The following PCM1 variants were observed in gnomAD, a reference collection of about 807,000 sequenced individuals.
PCM1 encodes pericentriolar material 1.
In PCM1, 157 loss-of-function variants were observed where a neutral mutation model predicts 241.9. The observed-to-expected ratio is 0.65, with a 90% CI of 0.57 to 0.74. The LOEUF is 0.74. Ranked by LOEUF, PCM1 falls within the 30% of genes least tolerant of loss-of-function variation. The probability of loss-of-function intolerance (pLI) is 0.00; values close to 1 mark genes in which losing one functional copy is unlikely to be tolerated. For synonymous variants in PCM1, 1,085 were observed against 784.9 expected, an observed-to-expected ratio of 1.38 and a Z score of -6.39; for missense variants, 3,478 against 2,360.1, an observed-to-expected ratio of 1.47 and a Z score of -9.81.
chr8:17,949,404 C>T (rs539066534), intron 7 of PCM1, among the ~76,000 whole-genome samples: 1 of 151,520 alleles, frequency 6.6e-6, no homozygotes, highest in East Asian at 1.9e-4. Context: ...ATATAGGATT[C>T]TATATAGCCT....
intron 26 of PCM1, among the ~76,000 whole-genome samples, chr8:17,988,051 A>G (rs2083201087): frequency 6.6e-6 from 1 of 151,740 alleles, no homozygotes; most frequent in South Asian, 2.1e-4. Flanking sequence ...GAAACTGGGA[A>G]TCTGGGAGCT....
chr8:17,942,720 G>A (rs978713088), intron 6 of PCM1, among the ~76,000 whole-genome samples: 2 of 152,018 alleles, frequency 1.3e-5, no homozygotes, highest in Non-Finnish European at 2.9e-5. Context: ...AATAGGCCGG[G>A]CACGGTGGCT....
chr8:18,011,637 TTACTAAAAATTGTGTATTAATCAA>T lies in PCM1; in HGVS notation c.5351-29_5351-6del, dbSNP rs1487570375. The stretch of plus-strand genomic sequence containing the variant: ...TATTGTTAAGATTATGTGCTGAAAT[TTACTAAAAATTGTGTATTAATCAA>T]CTTAGATTTGTCTAAAGCTGAAACT... On this transcript the variant is annotated splice_region_variant and splice_polypyrimidine_tract_variant and intron_variant, in intron 33 of 38. Coordinates refer to ENST00000325083, the MANE Select transcript of PCM1 (RefSeq NM_006197.4). 1 of 1,568,954 alleles carries T rather than the reference TTACTAAAAATTGTGTATTAATCAA, an allele frequency of 6.4e-7. No homozygotes were observed. The highest frequency in any genetic ancestry group is 1.9e-5 in the Admixed American group (1 of 52,572).
intron 36 of PCM1, among the ~76,000 whole-genome samples, chr8:18,018,904 A>G (rs1177026693): frequency 4.1e-5 from 5 of 122,618 alleles, no homozygotes; most frequent in South Asian, 2.6e-4. Flanking sequence ...ATACACATAT[A>G]TATATATAAA....
At chr8:17,974,060 A>G (rs2077791669) in intron 23 of PCM1, among the ~76,000 whole-genome samples, 1 of 152,224 alleles carries the variant, frequency 6.6e-6, no homozygotes, top group South Asian at 2.1e-4. Flanking sequence ...GGATGGTTTA[A>G]AAAGCAAGTT....
intron 29 of PCM1, among the ~76,000 whole-genome samples, chr8:17,999,793 A>G (rs2088559738): frequency 6.6e-6 from 1 of 151,690 alleles, no homozygotes; most frequent in African/African-American, 2.4e-5. Flanking sequence ...GAAGGGGAAG[A>G]TGATTGGTGG....
rs565494296 is a variant in PCM1 at position 18,014,719 on chromosome 8, G to C, written c.5720G>C (p.Arg1907Pro). Reference sequence around the variant, plus strand: ...CAACAGCCTAACCCTTTGCCGTTACGTTTACCTGAAATGGAACCCTTAGTG... The same window carrying C: ...CAACAGCCTAACCCTTTGCCGTTACCTTTACCTGAAATGGAACCCTTAGTG... ...STQQPNPLPL[R>P]LPEMEPLVPR... is the part of the protein sequence containing the mutation. The change falls in exon 36 of 39, where the codon CGT (arginine) becomes CCT (proline). Residue 1907 changes from arginine to proline, a missense_variant. Physicochemically the swap from Arg to Pro is moderately radical, Grantham distance 103 (BLOSUM62 -2). Coordinates refer to ENST00000325083, the MANE Select transcript of PCM1 (RefSeq NM_006197.4). The C allele has an allele frequency of 2.2e-5, 35 of 1,613,242 alleles. No homozygotes were observed. In the Admixed American group the frequency reaches 2.3e-4, roughly 11 times the overall value.
intron 36 of PCM1, among the ~76,000 whole-genome samples, chr8:18,015,430 T>G (rs919314228): frequency 6.6e-6 from 1 of 152,214 alleles, no homozygotes; most frequent in African/African-American, 2.4e-5. Context: ...TGATAAATGC[T>G]TCTGTTAGAA....
intron 2 of PCM1, among the ~76,000 whole-genome samples, chr8:17,932,875 A>T (rs570200392): frequency 6.6e-6 from 1 of 152,212 alleles, no homozygotes; most frequent in East Asian, 1.9e-4. Flanking sequence ...GTTGGGAGAG[A>T]ATTAAGCTCC....
intron 23 of PCM1, among the ~76,000 whole-genome samples, chr8:17,973,989 G>T (rs909714696): frequency 2.0e-5 from 3 of 152,164 alleles, no homozygotes; most frequent in Non-Finnish European, 4.4e-5. Flanking sequence ...AAAAATTTCA[G>T]TAATTCATCT....
chr8:18,013,973 C>T lies in PCM1; in HGVS notation c.5521C>T (p.Arg1841Cys), dbSNP rs375376069. Residue 1841 changes from arginine (R) to cysteine (C), a missense_variant, in exon 35 of 39, where the codon CGT becomes TGT. Coordinates refer to ENST00000325083, the MANE Select transcript of PCM1 (RefSeq NM_006197.4). ...ENEHDEQVLQ[R>C]DFKKTAESKN... ...CATTTTTCCCTTCTAGGTCCTACAA[C>T]GTGACTTTAAAAAGACAGCAGAAAG... 44 of 1,598,788 alleles carry T rather than the reference C, an allele frequency of 2.8e-5. No individual in the cohort carries two copies. Among genetic ancestry groups the T allele is most frequent in the Admixed American group, 8.6e-5 (5 of 58,228 alleles).
Position 18,014,760 on chromosome 8 carries a change from G to A in PCM1, c.5761G>A (p.Val1921Ile), listed in dbSNP as rs2092958334. 1.2e-6 allele frequency: 2 copies of A among 1,612,226 alleles called. No homozygotes were observed. Among genetic ancestry groups the A allele is most frequent in the Non-Finnish European group, 1.7e-6 (2 of 1,179,662 alleles). Residue 1921 changes from valine to isoleucine, a missense_variant, in exon 36 of 39, where the codon GTT becomes ATT. Val to Ile is a conservative substitution (Grantham distance 29). Transcript: ENST00000325083. Reference protein sequence around the residue: ...MEPLVPRVKEVKSAQETPESS... With the variant: ...MEPLVPRVKEIKSAQETPESS... ...ACCCTTAGTGCCTAGAGTCAAAGAA[G>A]TTAAATCTGCTCAGGAAACTCCTGA...
intron 29 of PCM1, among the ~76,000 whole-genome samples, chr8:18,004,079 T>G (rs1233376237): frequency 6.6e-6 from 1 of 152,152 alleles, no homozygotes. Flanking sequence ...TCTATCCTTA[T>G]GCTTAGGGAG....
At chr8:18,010,075 T>A (rs975556292) in intron 31 of PCM1, among the ~76,000 whole-genome samples, 2 of 152,254 alleles carry the variant, frequency 1.3e-5, no homozygotes, top group African/African-American at 4.8e-5. Flanking sequence ...CTGCCATGTC[T>A]GTTATTGATC....
chr8:17,988,519 C>CTA (rs1177077052), intron 26 of PCM1, among the ~76,000 whole-genome samples: 1 of 151,648 alleles, frequency 6.6e-6, no homozygotes, highest in African/African-American at 2.4e-5. Context: ...AGAGAAAGCA[C>CTA]TAACTATAAA....
At chr8:17,942,409 G>A (rs935270776) in intron 6 of PCM1, among the ~76,000 whole-genome samples, 3 of 152,042 alleles carry the variant, frequency 2.0e-5, no homozygotes, top group East Asian at 1.9e-4. Context: ...GTAGGTTGCC[G>A]TGAGCCACTG....
At chr8:17,955,694 T>C (rs1258559761) in intron 10 of PCM1, 41 bp downstream of exon 10, 1 of 1,440,026 alleles carries the variant, frequency 6.9e-7, no homozygotes, top group Admixed American at 1.7e-5. Flanking sequence ...AGTTAAATAA[T>C]AGGGATAAAT....
intron 20 of PCM1, 23 bp from the exon 21 acceptor site, chr8:17,966,957 A>G (rs1328471124): frequency 6.4e-7 from 1 of 1,572,156 alleles, no homozygotes; most frequent in South Asian, 1.2e-5. Context: ...TGATTCTTAG[A>G]TTACTGACTT....
At chr8:18,009,944 G>A (rs1422726167) in intron 31 of PCM1, among the ~76,000 whole-genome samples, 200 bp downstream of exon 31, 1 of 152,204 alleles carries the variant, frequency 6.6e-6, no homozygotes, top group Non-Finnish European at 1.5e-5. Context: ...GATCAGGAAT[G>A]CGGGCAGGAA....
Sources: gnomAD v4.1 joint callset for allele counts (sites outside exome capture counted in the v4.1 genomes callset) on GRCh38, gnomAD v4.1.1 for gene constraint, MANE v1.5 for transcripts, NCBI Gene and HGNC (gene_info 2026-07-23, HGNC 2026-07-21) for gene names.